Variants in PTPRN2 observed in about 807,000 individuals in gnomAD.
PTPRN2 encodes protein tyrosine phosphatase receptor type N2.
In PTPRN2, 74 loss-of-function variants were observed where a neutral mutation model predicts 118.8. The observed-to-expected ratio is 0.62, with a 90% confidence interval of 0.52 to 0.76. The LOEUF (loss-of-function observed/expected upper bound fraction) is 0.76. Among genes scored for constraint, PTPRN2 ranks in the 30% least tolerant of loss-of-function variants. The pLI, the probability that PTPRN2 is intolerant of heterozygous loss-of-function variation, is 0.00. For missense variants in PTPRN2, 1,481 were observed against 1,394.4 expected (o/e 1.06, Z -0.99); for synonymous variants, 641 against 608.0 (o/e 1.05, Z -0.80).
chr7:158,130,729 T>C (rs1015390584), intron 9 of PTPRN2, among the ~76,000 whole-genome samples: 1 of 145,448 alleles, frequency 6.9e-6, no homozygotes, highest in Non-Finnish European at 1.5e-5. Context: ...CACATGCACA[T>C]ACGCACAAAC....
chr7:158,018,151 C>A (rs1165117859), intron 11 of PTPRN2, among the ~76,000 whole-genome samples: 1 of 152,172 alleles, frequency 6.6e-6, no homozygotes, highest in Non-Finnish European at 1.5e-5. Context: ...TTTAAAAGGA[C>A]CAGCCTGATT....
At chr7:157,727,546 G>C (rs1262000463) in intron 12 of PTPRN2, among the ~76,000 whole-genome samples, 2 of 152,202 alleles carry the variant, frequency 1.3e-5, no homozygotes, top group Non-Finnish European at 2.9e-5. Flanking sequence ...ACAGGGGTCA[G>C]TGTTTACTGG....
chr7:158,501,995 A>G (rs1237509923), intron 1 of PTPRN2, among the ~76,000 whole-genome samples: 2 of 152,112 alleles, frequency 1.3e-5, no homozygotes, highest in Non-Finnish European at 2.9e-5. Context: ...ACTGAACACA[A>G]AGCCTCAGGA....
intron 9 of PTPRN2, among the ~76,000 whole-genome samples, chr7:158,120,014 T>G (rs2150390664): frequency 6.6e-6 from 1 of 152,276 alleles, no homozygotes; most frequent in South Asian, 2.1e-4. Context: ...AGAATATTAT[T>G]TAGCCCTGAA....
chr7:157,580,261 C>T (rs1800272644), intron 17 of PTPRN2, among the ~76,000 whole-genome samples: 1 of 152,142 alleles, frequency 6.6e-6, no homozygotes, highest in Admixed American at 6.6e-5. Context: ...CTGTCTCTTT[C>T]AGGAAGTAAA....
intron 1 of PTPRN2, among the ~76,000 whole-genome samples, chr7:158,560,483 A>C (rs986865752): frequency 5.3e-5 from 8 of 152,284 alleles, no homozygotes; most frequent in African/African-American, 1.4e-4. Context: ...CTGCTAGGTG[A>C]AAGTGGAACT....
Position 157,591,219 on chromosome 7 carries a change from C to T in PTPRN2, c.2496+4019G>A, listed in dbSNP as rs1430891532. 3.9e-5 allele frequency among the ~76,000 whole-genome samples: 6 copies of T among 152,182 alleles called. No homozygotes were observed. The highest frequency in any genetic ancestry group is 7.3e-5 in the Non-Finnish European group (5 of 68,034). ...GGAGTGCACGGGCCTGGGGCAGACA[C>T]GGCCATCTTTCCCATCACGGCCTTT... On this transcript the variant is annotated intron_variant, in intron 17 of 22. Coordinates refer to ENST00000389418, the MANE Select transcript of PTPRN2 (RefSeq NM_002847.5). The surrounding 1 kb of genome is among the most constrained non-coding windows in gnomAD (Gnocchi z 4.4).
rs1259183424 is a variant in PTPRN2 at position 158,563,827 on chromosome 7, G to A, written c.112+23731C>T. Among the ~76,000 whole-genome samples the A allele has an allele frequency of 1.3e-5, 2 of 152,176 alleles. No individual in the cohort carries two copies. Among genetic ancestry groups the A allele is most frequent in the Non-Finnish European group, 2.9e-5 (2 of 68,028 alleles). On this transcript the variant is annotated intron_variant, in intron 1 of 22. Coordinates refer to ENST00000389418, the MANE Select transcript of PTPRN2 (RefSeq NM_002847.5). The surrounding 1 kb of genome is among the most constrained non-coding windows in gnomAD (Gnocchi z 5.1). ...ATTAGATGCCTATTTTTTAGGGAAT[G>A]GTCTTTTCTGTTTATAGGATCTATG... is the stretch of plus-strand genomic sequence containing the variant.
intron 10 of PTPRN2, among the ~76,000 whole-genome samples, chr7:158,092,320 G>A (rs1157838105): frequency 3.6e-5 from 5 of 139,258 alleles, no homozygotes; most frequent in African/African-American, 1.3e-4. Context: ...GAGGGAGGAT[G>A]GGTGGATGGA....
intron 11 of PTPRN2, among the ~76,000 whole-genome samples, chr7:157,914,202 GCTTT>G (rs1798265198): frequency 6.6e-6 from 1 of 152,030 alleles, no homozygotes; most frequent in South Asian, 2.1e-4. Context: ...AATTTTGTAA[GCTTT>G]TTTTAAAAAG....
chr7:157,582,457 C>T (rs754368854), intron 17 of PTPRN2, among the ~76,000 whole-genome samples: 2 of 152,204 alleles, frequency 1.3e-5, no homozygotes, highest in African/African-American at 4.8e-5. Context: ...CGCACTGGCA[C>T]CTCGTGCCTG....
chr7:157,616,267 G>C (rs1563266391), intron 15 of PTPRN2: 1 of 152,730 alleles, frequency 6.5e-6, no homozygotes, highest in Non-Finnish European at 1.5e-5. Context: ...CAGCTGAACT[G>C]TGTGGAGTAT....
intron 2 of PTPRN2, among the ~76,000 whole-genome samples, chr7:158,436,027 T>C (rs1332184735): frequency 6.6e-6 from 1 of 152,352 alleles, no homozygotes; most frequent in Non-Finnish European, 1.5e-5. Flanking sequence ...TCAACAATAC[T>C]GTGCCATGCA....
At chr7:157,579,160 CACG>C (rs1585056413) in intron 17 of PTPRN2, among the ~76,000 whole-genome samples, 1 of 152,194 alleles carries the variant, frequency 6.6e-6, no homozygotes, top group African/African-American at 2.4e-5. Flanking sequence ...CAGACACAAA[CACG>C]ACATTTTCCT....
At chr7:157,637,541 G>T (rs1205703399) in intron 14 of PTPRN2, among the ~76,000 whole-genome samples, 2 of 152,134 alleles carry the variant, frequency 1.3e-5, no homozygotes, top group East Asian at 3.9e-4. Flanking sequence ...TGTGGCAGCA[G>T]ACCCATTTGT....
chr7:157,829,806 G>A (rs1807433032), intron 12 of PTPRN2, among the ~76,000 whole-genome samples: 1 of 152,234 alleles, frequency 6.6e-6, no homozygotes, highest in African/African-American at 2.4e-5. Flanking sequence ...TGATGGTACA[G>A]ATGTTGACTT....
rs141723198 is a variant in PTPRN2 at position 157,785,324 on chromosome 7, C to T, written c.1789-102387G>A. Among the ~76,000 whole-genome samples, 858 of 152,276 alleles carry T rather than the reference C, an allele frequency of 5.6e-3. 4 individuals carry two copies. The highest frequency in any genetic ancestry group is 0.014 in the Middle Eastern group (4 of 294). ...ATGGTGACGGTGGATCCACAGCTGC[C>T]GCGGGTCCCCCCAACCCCAAAGCCA... is the stretch of plus-strand genomic sequence containing the variant. On this transcript the variant is annotated intron_variant, in intron 12 of 22. Coordinates refer to ENST00000389418, the MANE Select transcript of PTPRN2 (RefSeq NM_002847.5). The surrounding 1 kb of genome is among the most constrained non-coding windows in gnomAD (Gnocchi z 7.3).
At chr7:158,057,253 C>T (rs1809862691) in intron 11 of PTPRN2, among the ~76,000 whole-genome samples, 1 of 152,230 alleles carries the variant, frequency 6.6e-6, no homozygotes, top group African/African-American at 2.4e-5. Context: ...TCGGCAACCA[C>T]AGAATGAACC....
At chr7:158,010,241 C>T (rs1375059573) in intron 11 of PTPRN2, among the ~76,000 whole-genome samples, 1 of 152,154 alleles carries the variant, frequency 6.6e-6, no homozygotes, top group African/African-American at 2.4e-5. Flanking sequence ...CAGGATCCTC[C>T]AGGTCCGTCC....
Sources: gnomAD v4.1 joint callset for allele counts (sites outside exome capture counted in the v4.1 genomes callset) on GRCh38, gnomAD v4.1.1 for gene constraint, Gnocchi (gnomAD v3.1) non-coding constraint, MANE v1.5 for transcripts, NCBI Gene and HGNC (gene_info 2026-07-23, HGNC 2026-07-21) for gene names.